The following NRP1 variants were observed in gnomAD, a reference collection of about 807,000 sequenced individuals.
NRP1 encodes the protein neuropilin 1.
In NRP1, 35 loss-of-function variants were observed where a neutral mutation model predicts 106.7. The ratio of observed to expected loss-of-function variants is 0.33; its 90% CI spans 0.25 to 0.43. NRP1 has a LOEUF of 0.43. Among genes scored for constraint, NRP1 ranks in the 20% least tolerant of loss-of-function variants. The pLI is 1.00. For synonymous variants in NRP1, 437 were observed against 417.9 expected (o/e 1.05, Z -0.56); for missense variants, 1,024 against 1,170.4 (o/e 0.87, Z 1.83).
In NRP1 at chr10:33,290,122, C is replaced by G. The variant is rs1002012862; in HGVS notation, c.249-19266G>C. On this transcript the variant is annotated intron_variant, in intron 2 of 16. Coordinates refer to ENST00000374867, the MANE Select transcript of NRP1 (RefSeq NM_003873.7). ...TTGAAATGGAATATAAGTCCTGCAG[C>G]CACTTTGCAACCTGAGGATGTATAG... 2.0e-5 allele frequency among the ~76,000 whole-genome samples: 3 copies of G among 152,132 alleles called. No individual in the cohort carries two copies. In the East Asian group the frequency reaches 5.8e-4, roughly 29 times the overall value.
At chr10:33,224,904 G>T (rs1183653321) in intron 7 of NRP1, among the ~76,000 whole-genome samples, 1 of 152,132 alleles carries the variant, frequency 6.6e-6, no homozygotes, top group South Asian at 2.1e-4. Context: ...CTCTCTCTGG[G>T]TTCTTTGGCT....
chr10:33,214,061 A>C (rs566217990), intron 8 of NRP1, among the ~76,000 whole-genome samples: 1 of 152,326 alleles, frequency 6.6e-6, no homozygotes, highest in South Asian at 2.1e-4. Flanking sequence ...AGAAGTTCAT[A>C]GTTTATGATG....
At chr10:33,298,935 A>G (rs1394526468) in intron 2 of NRP1, among the ~76,000 whole-genome samples, 2 of 152,124 alleles carry the variant, frequency 1.3e-5, no homozygotes, top group South Asian at 2.1e-4. Context: ...CACTACTGCT[A>G]TTACTACTTC....
At chr10:33,330,674 C>G in intron 2 of NRP1, 34 bp downstream of exon 2, 1 of 1,574,840 alleles carries the variant, frequency 6.3e-7, no homozygotes, top group Admixed American at 1.7e-5. Context: ...CTAGATGGTG[C>G]TGTGGTGCCC....
intron 2 of NRP1, among the ~76,000 whole-genome samples, chr10:33,315,060 GT>G (rs2132824517): frequency 6.6e-6 from 1 of 152,328 alleles, no homozygotes; most frequent in South Asian, 2.1e-4. Flanking sequence ...AGTCCCAAGA[GT>G]TGTGGGGATG....
At chr10:33,215,498 T>C (rs1838688921) in intron 8 of NRP1, among the ~76,000 whole-genome samples, 1 of 152,226 alleles carries the variant, frequency 6.6e-6, no homozygotes, top group South Asian at 2.1e-4. Flanking sequence ...TGTTGATGAA[T>C]TCAACGCTGG....
chr10:33,180,374 A>G lies in NRP1; in HGVS notation c.2483-9T>C. The G allele has an allele frequency of 6.4e-7, 1 of 1,571,594 alleles. No individual in the cohort carries two copies. Among genetic ancestry groups the G allele is most frequent in the South Asian group, 1.2e-5 (1 of 85,430 alleles). On this transcript the variant is annotated splice_polypyrimidine_tract_variant and intron_variant, in intron 16 of 16. Coordinates refer to ENST00000374867, the MANE Select transcript of NRP1 (RefSeq NM_003873.7). The stretch of plus-strand genomic sequence containing the variant: ...GTATCCTGGCGTGCTCCCTATGGAA[A>G]AAAACAATATTGTCTCCGTGAGCAC...
chr10:33,278,027 C>T (rs1371696636), intron 2 of NRP1, among the ~76,000 whole-genome samples: 1 of 152,134 alleles, frequency 6.6e-6, no homozygotes, highest in Non-Finnish European at 1.5e-5. Context: ...TTTCAATACA[C>T]CCCACAAATC....
chr10:33,298,496 T>C (rs1390124561), intron 2 of NRP1, among the ~76,000 whole-genome samples: 3 of 152,186 alleles, frequency 2.0e-5, no homozygotes, highest in African/African-American at 7.2e-5. Flanking sequence ...CAACTGCTTT[T>C]CACTTACTAC....
At position 33,220,919 on chromosome 10, in the gene NRP1, A is replaced by G. The variant is rs1347161540; in HGVS notation, c.1282+800T>C. 2.5e-3 allele frequency among the ~76,000 whole-genome samples: 386 copies of G among 151,492 alleles called. 9 individuals are homozygous for G. Among genetic ancestry groups the G allele is most frequent in the Admixed American group, 0.022 (337 of 15,168 alleles). On this transcript the variant is annotated intron_variant, in intron 8 of 16. Transcript: ENST00000374867. ...CAGTCTCAAAAAAAAAAAAAAAAAAAAAAAGAAAAACAAATAAAAAGATAA... is the reference window on the plus strand; with the variant it reads ...CAGTCTCAAAAAAAAAAAAAAAAAAGAAAAGAAAAACAAATAAAAAGATAA...
intron 2 of NRP1, among the ~76,000 whole-genome samples, chr10:33,323,811 T>C (rs933669061): frequency 2.0e-5 from 3 of 152,176 alleles, no homozygotes; most frequent in Non-Finnish European, 2.9e-5. Context: ...CACACACATA[T>C]GTGTTTGTGT....
At chr10:33,193,429 C>T (rs1221376717) in intron 12 of NRP1, among the ~76,000 whole-genome samples, 1 of 152,226 alleles carries the variant, frequency 6.6e-6, no homozygotes, top group Non-Finnish European at 1.5e-5. Context: ...TCTGCCCCCT[C>T]CTTTCGTCCT....
chr10:33,199,397 T>A (rs1216292027), intron 11 of NRP1, among the ~76,000 whole-genome samples: 924 of 62,956 alleles, frequency 0.015, 1 homozygote, highest in African/African-American at 0.019. Flanking sequence ...ATATTTTTTT[T>A]TTTTTTTTTT....
intron 2 of NRP1, among the ~76,000 whole-genome samples, chr10:33,280,594 T>C (rs557725995): frequency 5.3e-5 from 8 of 152,304 alleles, no homozygotes; most frequent in Middle Eastern, 3.4e-3. Context: ...AGTCCAGCCA[T>C]CAAGAAGTGA....
chr10:33,179,669 T>G lies in NRP1; in HGVS notation c.*407A>C. On this transcript the variant is annotated 3_prime_UTR_variant, in exon 17 of 17. Coordinates refer to ENST00000374867, the MANE Select transcript of NRP1 (RefSeq NM_003873.7). ...ATTCTAGTATATTCTGGGCACTGGG[T>G]TTCAGGTAGCATGTCCATCCAAAGG... The G allele has an allele frequency of 5.4e-6, 1 of 184,150 alleles. No homozygotes were observed. The highest frequency in any genetic ancestry group is 5.6e-5 in the Admixed American group (1 of 17,984). The allele number at this position is 184,150 out of a possible 1,614,324, so 11.4% of individuals were successfully genotyped here.
At chr10:33,195,132 C>T (rs994921273) in intron 12 of NRP1, among the ~76,000 whole-genome samples, 8 of 152,176 alleles carry the variant, frequency 5.3e-5, no homozygotes, top group African/African-American at 1.9e-4. Flanking sequence ...TCATTAGCAC[C>T]ATATGTATGC....
At chr10:33,258,093 G>A (rs549489699) in intron 4 of NRP1, among the ~76,000 whole-genome samples, 63 of 152,310 alleles carry the variant, frequency 4.1e-4, no homozygotes, top group South Asian at 1.9e-3. Context: ...GACTTCAAGT[G>A]TGGTTGCCAA....
At chr10:33,256,558 G>T in intron 4 of NRP1, 87 bp from the exon 5 acceptor site, 1 of 1,434,720 alleles carries the variant, frequency 7.0e-7, no homozygotes, top group Non-Finnish European at 9.7e-7. Flanking sequence ...ATGGGCCCCA[G>T]TAGAACCCAG....
intron 8 of NRP1, among the ~76,000 whole-genome samples, chr10:33,216,614 T>G (rs1838796797): frequency 1.3e-5 from 2 of 151,664 alleles, no homozygotes; most frequent in South Asian, 2.1e-4. Flanking sequence ...CTACCATGAT[T>G]GGCAATTTTT....
Sources: gnomAD v4.1 joint callset for allele counts (sites outside exome capture counted in the v4.1 genomes callset) on GRCh38, gnomAD v4.1.1 for gene constraint, MANE v1.5 for transcripts, NCBI Gene and HGNC (gene_info 2026-07-23, HGNC 2026-07-21) for gene names.